PLA2R1: variants seen among roughly 807,000 people sequenced by gnomAD.
The protein encoded by PLA2R1 is phospholipase A2 receptor 1, also known as secretory phospholipase A2 receptor.
PLA2R1 carries 158 observed loss-of-function variants against 195.9 expected under a neutral mutation model. The ratio of observed to expected loss-of-function variants is 0.81; its 90% CI spans 0.71 to 0.92. PLA2R1 has a LOEUF of 0.92. Among genes scored for constraint, PLA2R1 ranks in the 40% least tolerant of loss-of-function variants. PLA2R1 has a pLI of 0.00. For synonymous variants in PLA2R1, 586 were observed against 598.2 expected, an observed-to-expected ratio of 0.98 and a Z score of 0.30; for missense variants, 1,626 against 1,764.6, an observed-to-expected ratio of 0.92 and a Z score of 1.41.
chr2:160,062,451 AT>A lies in PLA2R1; in HGVS notation c.-49del, dbSNP rs1559043759. The A allele has an allele frequency of 6.7e-7, 1 of 1,498,626 alleles. No homozygotes were observed. Among genetic ancestry groups the A allele is most frequent in the East Asian group, 2.8e-5 (1 of 36,144 alleles). 92.8% of individuals were successfully genotyped at this position (1,498,626 alleles called of 1,614,324 possible). On this transcript the variant is annotated 5_prime_UTR_variant, in exon 1 of 30. Transcript: ENST00000283243. ...GAGCCCCTTGTCCCGGGAGCCCCTT[AT>A]CCCGGGAGCCCAGAGCCGCGTCCCA...
At chr2:159,964,448 A>G (rs1688653186) in intron 20 of PLA2R1, among the ~76,000 whole-genome samples, 1 of 152,252 alleles carries the variant, frequency 6.6e-6, no homozygotes, top group African/African-American at 2.4e-5. Context: ...TTTTAATAAA[A>G]GACTTAGTAA....
At chr2:160,052,771 CA>C (rs1006810877) in intron 1 of PLA2R1, among the ~76,000 whole-genome samples, 4 of 152,142 alleles carry the variant, frequency 2.6e-5, no homozygotes, top group African/African-American at 9.7e-5. Context: ...AACCAGAAAA[CA>C]ACTCCATCAT....
intron 20 of PLA2R1, among the ~76,000 whole-genome samples, chr2:159,963,535 T>A: frequency 6.6e-6 from 1 of 152,002 alleles, no homozygotes; most frequent in East Asian, 1.9e-4. Flanking sequence ...TTCCTATAAC[T>A]CAACAATAAA....
intron 11 of PLA2R1, among the ~76,000 whole-genome samples, chr2:159,989,383 T>C (rs16844623): frequency 0.084 from 12,826 of 152,194 alleles, 1,602 homozygotes; most frequent in African/African-American, 0.27. Flanking sequence ...TGCAATATAC[T>C]TGTGGAGCTG....
chr2:160,013,231 G>T, intron 10 of PLA2R1, 32 bp downstream of exon 10: 1 of 1,076,970 alleles, frequency 9.3e-7, no homozygotes, highest in Non-Finnish European at 1.4e-6. Flanking sequence ...TGTGAAAGCC[G>T]TCTTGTTTCT....
At chr2:159,985,686 T>A (rs1196680893) in intron 12 of PLA2R1, among the ~76,000 whole-genome samples, 1 of 152,200 alleles carries the variant, frequency 6.6e-6, no homozygotes, top group East Asian at 1.9e-4. Context: ...CATTCAATAA[T>A]AAAAACTTTA....
At chr2:159,958,922 T>C (rs1385130156) in intron 20 of PLA2R1, among the ~76,000 whole-genome samples, 6 of 152,222 alleles carry the variant, frequency 3.9e-5, no homozygotes, top group Admixed American at 3.9e-4. Flanking sequence ...GTCCTGATCA[T>C]GTCACCCTTT....
intron 6 of PLA2R1, among the ~76,000 whole-genome samples, chr2:160,027,360 G>A (rs1693589704): frequency 6.7e-6 from 1 of 149,932 alleles, no homozygotes; most frequent in Admixed American, 6.7e-5. Context: ...GAGAGGGAGG[G>A]AAAAGGACAA....
Position 160,044,937 on chromosome 2 carries a change from G to A in PLA2R1, c.330C>T (p.Leu110=), listed in dbSNP as rs147284017. Residue 110 remains leucine (L), a synonymous_variant, in exon 2 of 30, where the codon CTC becomes CTT. Transcript: ENST00000283243. Reference sequence around the variant, plus strand: ...TGTTACAGCGCCACCGTAAGGAAACGAGGGTGGAGTCACATTCATATAAGC... The same window carrying A: ...TGTTACAGCGCCACCGTAAGGAAACAAGGGTGGAGTCACATTCATATAAGC... ...PLSLYECDST[L]VSLRWRCNRK... 3 of 1,614,142 alleles carry A rather than the reference G, an allele frequency of 1.9e-6. No homozygotes were observed. The highest frequency in any genetic ancestry group is 2.2e-5 in the East Asian group (1 of 44,890).
rs1696040583 is a variant in PLA2R1 at position 160,062,523 on chromosome 2, C to A, written c.-120G>T. 3 of 1,263,248 alleles carry A rather than the reference C, an allele frequency of 2.4e-6. No homozygotes were observed. In the African/African-American group the frequency reaches 7.4e-5, roughly 31 times the overall value. The allele number at this position is 1,263,248 out of a possible 1,614,324, so 78.3% of individuals were successfully genotyped here. ...GGAAGCGGATCCGTAGCCTCCTCCG[C>A]GCCCCACCCCCTCCGGGGGCCTTGC... On this transcript the variant is annotated 5_prime_UTR_variant, in exon 1 of 30. Coordinates refer to ENST00000283243, the MANE Select transcript of PLA2R1 (RefSeq NM_007366.5).
chr2:159,956,610 G>C lies in PLA2R1; in HGVS notation c.2922C>G (p.Ile974Met). Residue 974 changes from isoleucine to methionine, a missense_variant, in exon 21 of 30, where the codon ATC (isoleucine) becomes ATG (methionine). Transcript: ENST00000283243. ...YFNYKCLLLNIPKDPSSWKNW... is the reference protein window; with the variant it reads ...YFNYKCLLLNMPKDPSSWKNW... ...TCTTCCAACTGCTTGGGTCTTTGGGGATATTCAGCAGAAGGCACTATCAAA... is the reference window on the plus strand; with the variant it reads ...TCTTCCAACTGCTTGGGTCTTTGGGCATATTCAGCAGAAGGCACTATCAAA... 2.5e-6 allele frequency: 4 copies of C among 1,606,412 alleles called. No homozygotes were observed. The highest frequency in any genetic ancestry group is 2.2e-5 in the East Asian group (1 of 44,832).
chr2:159,959,540 T>C (rs1290208433), intron 20 of PLA2R1, among the ~76,000 whole-genome samples: 1 of 152,232 alleles, frequency 6.6e-6, no homozygotes, highest in Non-Finnish European at 1.5e-5. Context: ...TCAAGTTTAA[T>C]GCATCTCTGA....
intron 20 of PLA2R1, among the ~76,000 whole-genome samples, chr2:159,957,034 T>C (rs140471567): frequency 1.4e-3 from 215 of 152,112 alleles, no homozygotes; most frequent in African/African-American, 4.9e-3. Flanking sequence ...CAATTTTATT[T>C]ACAAACACAC....
rs966151406 is a variant in PLA2R1, at chr2:159,951,336, C to T, written c.3540+4G>A. The T allele has an allele frequency of 2.6e-6, 4 of 1,527,174 alleles. No individual in the cohort carries two copies. The highest frequency in any genetic ancestry group is 3.6e-6 in the Non-Finnish European group (4 of 1,100,912). 94.6% of individuals were successfully genotyped at this position (1,527,174 alleles called of 1,614,324 possible). On this transcript the variant is annotated splice_donor_region_variant and intron_variant, in intron 24 of 29. Coordinates refer to ENST00000283243, the MANE Select transcript of PLA2R1 (RefSeq NM_007366.5). ...GGATGTCTCAAGGGAGTTAGGATACCTACATCTGTGGTGAACAGTCCAATC... is the reference window on the plus strand; with the variant it reads ...GGATGTCTCAAGGGAGTTAGGATACTTACATCTGTGGTGAACAGTCCAATC...
intron 24 of PLA2R1, among the ~76,000 whole-genome samples, chr2:159,950,330 A>G (rs143985154): frequency 3.3e-4 from 50 of 152,336 alleles, no homozygotes; most frequent in African/African-American, 1.0e-3. Flanking sequence ...TGAAAAAACT[A>G]GACATTATCA....
chr2:159,982,643 C>T (rs559219181), intron 13 of PLA2R1, among the ~76,000 whole-genome samples: 1 of 152,278 alleles, frequency 6.6e-6, no homozygotes, highest in East Asian at 1.9e-4. Context: ...CAAAAACTCC[C>T]AGCTTTAAGG....
chr2:160,011,481 C>A (rs552018896), intron 10 of PLA2R1, among the ~76,000 whole-genome samples: 3 of 152,202 alleles, frequency 2.0e-5, no homozygotes, highest in East Asian at 1.9e-4. Context: ...TTCTAATAAA[C>A]TCTTGGCTAT....
chr2:160,011,970 TTG>T (rs991818555), intron 10 of PLA2R1, among the ~76,000 whole-genome samples: 1 of 151,262 alleles, frequency 6.6e-6, no homozygotes, highest in African/African-American at 2.4e-5. Context: ...GTGTGTCTGT[TTG>T]TGTGTGTGTG....
In PLA2R1 at chr2:160,039,963, G is replaced by A. The variant is rs35998545; in HGVS notation, c.667+2062C>T. 8.5e-3 allele frequency among the ~76,000 whole-genome samples: 1,255 copies of A among 147,944 alleles called. 25 individuals are homozygous for A. The highest frequency in any genetic ancestry group is 0.03 in the African/African-American group (1,196 of 40,030). Reference sequence around the variant, plus strand: ...AGAATATTGTAGTTTTTTTTTTGAAGTCCCTAGTATTAGAGCCATGTGAAG... The same window carrying A: ...AGAATATTGTAGTTTTTTTTTTGAAATCCCTAGTATTAGAGCCATGTGAAG... On this transcript the variant is annotated intron_variant, in intron 3 of 29. Coordinates refer to ENST00000283243, the MANE Select transcript of PLA2R1 (RefSeq NM_007366.5).
Sources: gnomAD v4.1 joint callset for allele counts (sites outside exome capture counted in the v4.1 genomes callset) on GRCh38, gnomAD v4.1.1 for gene constraint, MANE v1.5 for transcripts, NCBI Gene and HGNC (gene_info 2026-07-23, HGNC 2026-07-21) for gene names.